The following KIAA1328 variants were observed in gnomAD, a reference collection of about 807,000 sequenced individuals.
KIAA1328 encodes KIAA1328.
Under a neutral mutation model 68.1 loss-of-function variants are expected in KIAA1328, and 52 were observed. The observed-to-expected ratio is 0.76, with a 90% CI of 0.61 to 0.96. The LOEUF is 0.96. KIAA1328 is among the 40% of genes least tolerant of loss of function. The pLI is 0.00. For missense variants in KIAA1328, 641 were observed against 677.6 expected, an observed-to-expected ratio of 0.95 and a Z score of 0.60; for synonymous variants, 232 against 239.4, an observed-to-expected ratio of 0.97 and a Z score of 0.28.
chr18:37,099,348 G>A lies in KIAA1328; in HGVS notation c.1232+31803G>A, dbSNP rs545640419. 3.3e-5 allele frequency among the ~76,000 whole-genome samples: 5 copies of A among 152,330 alleles called. No homozygotes were observed. The East Asian group carries it at 9.6e-4, about 29-fold the overall frequency. ...TTGTTGTGTACCCAGTAGTCATTCA[G>A]GAGCAGGTTGTTCAGTTTCCATGTA... On this transcript the variant is annotated intron_variant, in intron 7 of 9. Transcript: ENST00000280020.
intron 6 of KIAA1328, among the ~76,000 whole-genome samples, chr18:37,018,978 T>C (rs975182657): frequency 2.6e-5 from 4 of 152,168 alleles, no homozygotes; most frequent in African/African-American, 9.7e-5. Flanking sequence ...TTCAGTACTT[T>C]TGTGGTATCA....
At position 37,001,612 on chromosome 18, in the gene KIAA1328, C is replaced by T. The variant is rs145271419; in HGVS notation, c.576+42177C>T. Among the ~76,000 whole-genome samples the T allele has an allele frequency of 1.7e-4, 26 of 152,178 alleles. No individual in the cohort carries two copies. In the East Asian group the frequency reaches 4.8e-3, roughly 28 times the overall value. ...CCTGACGAACATAGACACAAAAGTCCTCAACAGTATACTAGCAAACCAAAT... is the reference window on the plus strand; with the variant it reads ...CCTGACGAACATAGACACAAAAGTCTTCAACAGTATACTAGCAAACCAAAT... On this transcript the variant is annotated intron_variant, in intron 6 of 9. Coordinates refer to ENST00000280020, the MANE Select transcript of KIAA1328 (RefSeq NM_020776.3).
chr18:37,084,832 A>G (rs1179206621), intron 7 of KIAA1328, among the ~76,000 whole-genome samples: 1 of 152,200 alleles, frequency 6.6e-6, no homozygotes, highest in African/African-American at 2.4e-5. Flanking sequence ...CTTGATTCAC[A>G]TTGCCAAACT....
chr18:37,029,285 G>T (rs1018948363), intron 6 of KIAA1328, among the ~76,000 whole-genome samples: 4 of 151,846 alleles, frequency 2.6e-5, no homozygotes, highest in African/African-American at 9.7e-5. Flanking sequence ...TTTCTTCTGG[G>T]TTTTCCAGTT....
At chr18:36,839,705 A>G (rs1325068602) in intron 3 of KIAA1328, among the ~76,000 whole-genome samples, 1 of 152,172 alleles carries the variant, frequency 6.6e-6, no homozygotes, top group Non-Finnish European at 1.5e-5. Context: ...GATTCTTTCC[A>G]AGCTTCATTT....
At chr18:36,921,225 A>G (rs2049908460) in intron 5 of KIAA1328, 2 of 149,502 alleles carry the variant, frequency 1.3e-5, no homozygotes, top group South Asian at 2.1e-4. Flanking sequence ...GACAGTATTT[A>G]TGGTCATCAT....
intron 7 of KIAA1328, among the ~76,000 whole-genome samples, chr18:37,092,925 A>T (rs556732906): frequency 6.6e-6 from 1 of 152,264 alleles, no homozygotes; most frequent in Admixed American, 6.5e-5. Flanking sequence ...GTGCCTGAAT[A>T]AATCAATGGG....
chr18:36,946,453 A>T (rs1345867651), intron 5 of KIAA1328: 1 of 152,180 alleles, frequency 6.6e-6, no homozygotes, highest in East Asian at 1.9e-4. Flanking sequence ...AGCATTACTC[A>T]GAAGCTTGTT....
intron 6 of KIAA1328, among the ~76,000 whole-genome samples, chr18:37,048,780 A>G (rs1295007006): frequency 6.6e-6 from 1 of 152,160 alleles, no homozygotes; most frequent in Non-Finnish European, 1.5e-5. Context: ...CTGAGAAATT[A>G]TAAACTGTGA....
At chr18:36,964,946 T>A (rs1486455505) in intron 6 of KIAA1328, among the ~76,000 whole-genome samples, 1 of 152,036 alleles carries the variant, frequency 6.6e-6, no homozygotes, top group African/African-American at 2.4e-5. Context: ...TGCTCATAAC[T>A]TCCTTTTTTG....
intron 3 of KIAA1328, among the ~76,000 whole-genome samples, chr18:36,840,807 A>G (rs2046835868): frequency 6.6e-6 from 1 of 152,118 alleles, no homozygotes; most frequent in Non-Finnish European, 1.5e-5. Flanking sequence ...GAGTATCCTT[A>G]ATTCATTAAG....
At chr18:37,146,757 C>A (rs143337646) in intron 7 of KIAA1328, among the ~76,000 whole-genome samples, 1 of 152,138 alleles carries the variant, frequency 6.6e-6, no homozygotes, top group Admixed American at 6.5e-5. Context: ...ATAGTGTTAA[C>A]GCTGTGCAAC....
intron 8 of KIAA1328, among the ~76,000 whole-genome samples, chr18:37,163,713 C>A (rs2059329408): frequency 6.6e-6 from 1 of 152,118 alleles, no homozygotes; most frequent in South Asian, 2.1e-4. Context: ...AAGAAATGAA[C>A]AATTGGAGTG....
intron 6 of KIAA1328, chr18:37,063,709 A>T: frequency 4.1e-6 from 4 of 982,732 alleles, no homozygotes; most frequent in Non-Finnish European, 4.8e-6. Context: ...CAAAAACAGG[A>T]AACATTAACT....
intron 7 of KIAA1328, among the ~76,000 whole-genome samples, chr18:37,115,236 C>T (rs966320692): frequency 1.3e-5 from 2 of 152,088 alleles, no homozygotes; most frequent in Non-Finnish European, 2.9e-5. Flanking sequence ...GACCAATATC[C>T]CTGAAGAACA....
downstream of KIAA1328, among the ~76,000 whole-genome samples, chr18:37,226,037 A>G (rs1414401029): frequency 1.3e-5 from 2 of 152,162 alleles, no homozygotes; most frequent in African/African-American, 4.8e-5. Flanking sequence ...AATTTGAAAA[A>G]AATACCCTGT....
intron 6 of KIAA1328, among the ~76,000 whole-genome samples, chr18:37,018,802 A>G (rs1014097258): frequency 6.6e-6 from 1 of 150,966 alleles, no homozygotes; most frequent in Admixed American, 6.6e-5. Flanking sequence ...TTTTTTAATG[A>G]TTTTTATGTC....
Position 37,224,537 on chromosome 18 carries a change from T to C in KIAA1328, c.*2310T>C, listed in dbSNP as rs946573851. On this transcript the variant is annotated 3_prime_UTR_variant, in exon 10 of 10. Transcript: ENST00000280020. The stretch of plus-strand genomic sequence containing the variant: ...CAATAGGATGTAAATTTGTATATAA[T>C]CTAATGTCTTCATTATTAATTGAAT... 19 of 977,382 alleles carry C rather than the reference T, an allele frequency of 1.9e-5. No homozygotes were observed. In the African/African-American group the frequency reaches 2.8e-4, roughly 14 times the overall value. 60.5% of individuals were successfully genotyped at this position (977,382 alleles called of 1,614,324 possible).
At chr18:37,153,289 C>T (rs2059078062) in intron 7 of KIAA1328, among the ~76,000 whole-genome samples, 1 of 152,164 alleles carries the variant, frequency 6.6e-6, no homozygotes, top group South Asian at 2.1e-4. Flanking sequence ...CTCTTAAACT[C>T]ACTCCTTGTG....
Sources: gnomAD v4.1 joint callset for allele counts (sites outside exome capture counted in the v4.1 genomes callset) on GRCh38, gnomAD v4.1.1 for gene constraint, MANE v1.5 for transcripts, NCBI Gene and HGNC (gene_info 2026-07-23, HGNC 2026-07-21) for gene names.